Variants in ROBO2 observed in about 807,000 individuals in gnomAD.
ROBO2 encodes roundabout guidance receptor 2, also known as roundabout homolog 2.
ROBO2 carries 53 observed loss-of-function variants against 160.8 expected under a neutral mutation model. The ratio of observed to expected loss-of-function variants is 0.33; its 90% CI spans 0.26 to 0.41. The LOEUF is 0.41. ROBO2 is among the 10% of genes least tolerant of loss of function. ROBO2 has a pLI of 1.00. For synonymous variants in ROBO2, 664 were observed against 611.7 expected, an observed-to-expected ratio of 1.09 and a Z score of -1.26; for missense variants, 1,577 against 1,722.4, an observed-to-expected ratio of 0.92 and a Z score of 1.49.
At chr3:76,788,688 A>G (rs925226307) in intron 2 of ROBO2, among the ~76,000 whole-genome samples, 2 of 151,594 alleles carry the variant, frequency 1.3e-5, no homozygotes, top group African/African-American at 2.4e-5. Flanking sequence ...GAATATCTAT[A>G]CAGTAGAAAT....
intron 2 of ROBO2, among the ~76,000 whole-genome samples, chr3:76,965,420 T>C (rs1331213122): frequency 6.6e-6 from 1 of 152,208 alleles, no homozygotes; most frequent in Non-Finnish European, 1.5e-5. Flanking sequence ...GTTCCATAAA[T>C]GTCTGCAAAT....
chr3:76,798,073 T>C (rs972950853), intron 2 of ROBO2, among the ~76,000 whole-genome samples: 1 of 135,884 alleles, frequency 7.4e-6, no homozygotes, highest in East Asian at 2.1e-4. Flanking sequence ...AGTATTACCC[T>C]GATACCAAAA....
At chr3:77,440,644 G>A (rs2079819988) in intron 2 of ROBO2, among the ~76,000 whole-genome samples, 1 of 152,104 alleles carries the variant, frequency 6.6e-6, no homozygotes, top group Admixed American at 6.6e-5. Context: ...AGGTTTTCAT[G>A]TTCTTTTTGA....
intron 2 of ROBO2, among the ~76,000 whole-genome samples, chr3:76,494,891 G>A (rs970340216): frequency 2.6e-5 from 4 of 152,162 alleles, no homozygotes; most frequent in Non-Finnish European, 5.9e-5. Flanking sequence ...AGGGCTGGAG[G>A]AAGTAGACAA....
intron 2 of ROBO2, among the ~76,000 whole-genome samples, chr3:76,878,877 CTCTTGATG>C (rs2073051014): frequency 6.6e-6 from 1 of 152,110 alleles, no homozygotes; most frequent in Non-Finnish European, 1.5e-5. Context: ...TCATTTTAAT[CTCTTGATG>C]ATCTGTTTCA....
chr3:77,120,330 G>C lies in ROBO2; in HGVS notation c.388+21990G>C, dbSNP rs1362852362. ...TACTTTGATGACCTAAAAAGATTTA[G>C]GCATTGGGAGAATCTGGAAAATTAT... On this transcript the variant is annotated intron_variant, in intron 2 of 25. Transcript: ENST00000461745. Among the ~76,000 whole-genome samples, 4 of 152,226 alleles carry C rather than the reference G, an allele frequency of 2.6e-5. No homozygotes were observed. In the East Asian group the frequency reaches 7.7e-4, roughly 29 times the overall value.
chr3:76,980,245 G>A (rs1044893991), intron 2 of ROBO2, among the ~76,000 whole-genome samples: 3 of 152,134 alleles, frequency 2.0e-5, no homozygotes, highest in Non-Finnish European at 4.4e-5. Context: ...GGCCATTGGC[G>A]GTTAAACCAC....
chr3:77,083,423 A>C (rs1392304787), intron 1 of ROBO2, among the ~76,000 whole-genome samples: 2 of 152,184 alleles, frequency 1.3e-5, no homozygotes, highest in East Asian at 3.9e-4. Context: ...ACCCCATAAA[A>C]GTTTGAGATT....
chr3:76,123,189 G>A (rs2070824884), intron 2 of ROBO2, among the ~76,000 whole-genome samples: 1 of 152,056 alleles, frequency 6.6e-6, no homozygotes, highest in Admixed American at 6.6e-5. Flanking sequence ...AATTCATGGT[G>A]AAAATATATT....
chr3:76,760,712 T>G (rs551565889), intron 2 of ROBO2, among the ~76,000 whole-genome samples: 468 of 46,320 alleles, frequency 0.01, 2 homozygotes, highest in African/African-American at 0.036. Flanking sequence ...TACCTCTGAG[T>G]CGGTAAGTTA....
chr3:76,419,804 A>G (rs1414543233), intron 2 of ROBO2, among the ~76,000 whole-genome samples: 1 of 152,182 alleles, frequency 6.6e-6, no homozygotes, highest in African/African-American at 2.4e-5. Flanking sequence ...AGCTATTTCC[A>G]ATGTTATATG....
intron 2 of ROBO2, among the ~76,000 whole-genome samples, chr3:77,409,852 C>G (rs74644829): frequency 6.6e-6 from 1 of 152,080 alleles, no homozygotes; most frequent in South Asian, 2.1e-4. Context: ...TAATATGTAA[C>G]GTACACACAT....
intron 2 of ROBO2, among the ~76,000 whole-genome samples, chr3:76,774,256 C>T (rs2062092444): frequency 6.6e-6 from 1 of 150,828 alleles, no homozygotes; most frequent in Non-Finnish European, 1.5e-5. Flanking sequence ...CAAGCTAACT[C>T]TGAAACTCTA....
intron 6 of ROBO2, among the ~76,000 whole-genome samples, chr3:77,538,545 A>AT (rs2092295170): frequency 1.3e-5 from 2 of 152,096 alleles, no homozygotes; most frequent in South Asian, 4.1e-4. Flanking sequence ...TATAAAAGTG[A>AT]TTATTTTAAA....
At chr3:76,302,661 G>T (rs1018134721) in intron 2 of ROBO2, among the ~76,000 whole-genome samples, 1 of 152,048 alleles carries the variant, frequency 6.6e-6, no homozygotes, top group South Asian at 2.1e-4. Context: ...ATTGCCTAGA[G>T]TATCTAGTCC....
intron 2 of ROBO2, among the ~76,000 whole-genome samples, chr3:76,429,021 G>C (rs780099751): frequency 6.6e-6 from 1 of 152,110 alleles, no homozygotes; most frequent in Non-Finnish European, 1.5e-5. Context: ...CCAACACTTC[G>C]TAGGATGAAA....
intron 18 of ROBO2, 73 bp from the exon 20 acceptor site, chr3:77,596,550 A>G: frequency 6.4e-7 from 1 of 1,573,462 alleles, no homozygotes; most frequent in Admixed American, 1.7e-5. Context: ...TTAACGCTTT[A>G]TATTGCATGA....
At chr3:77,045,258 C>T (rs2064525977) in intron 1 of ROBO2, among the ~76,000 whole-genome samples, 1 of 152,046 alleles carries the variant, frequency 6.6e-6, no homozygotes, top group Admixed American at 6.5e-5. Context: ...GCATGCTTAC[C>T]CAGAATACTT....
intron 2 of ROBO2, among the ~76,000 whole-genome samples, chr3:77,137,903 C>A (rs1308763811): frequency 6.6e-6 from 1 of 152,110 alleles, no homozygotes; most frequent in Non-Finnish European, 1.5e-5. Context: ...GTTCTGTGAC[C>A]CTGACAGGGA....
Sources: gnomAD v4.1 joint callset for allele counts (sites outside exome capture counted in the v4.1 genomes callset) on GRCh38, gnomAD v4.1.1 for gene constraint, MANE v1.5 for transcripts, NCBI Gene and HGNC (gene_info 2026-07-23, HGNC 2026-07-21) for gene names.